NTRK2: variants seen among roughly 807,000 people sequenced by gnomAD.
The protein encoded by NTRK2 is neurotrophic receptor tyrosine kinase 2, also known as BDNF/NT-3 growth factors receptor.
In NTRK2, 13 loss-of-function variants were observed where a neutral mutation model predicts 94.5. The observed-to-expected ratio is 0.14, with a 90% CI of 0.09 to 0.22. The LOEUF is 0.22. Ranked by LOEUF, NTRK2 falls within the 10% of genes least tolerant of loss-of-function variation. The probability of loss-of-function intolerance (pLI) is 1.00; values close to 1 mark genes in which losing one functional copy is unlikely to be tolerated. For synonymous variants in NTRK2, 372 were observed against 407.4 expected, an observed-to-expected ratio of 0.91 and a Z score of 1.05; for missense variants, 639 against 1,071.2, an observed-to-expected ratio of 0.60 and a Z score of 5.63.
At chr9:84,971,982 C>A (rs1347251493) in intron 17 of NTRK2, among the ~76,000 whole-genome samples, 6 of 152,000 alleles carry the variant, frequency 3.9e-5, no homozygotes, top group Non-Finnish European at 7.4e-5. Context: ...TGGAAGGAGA[C>A]CAAGGATTCA....
At chr9:85,005,328 A>T (rs1190549685) in intron 17 of NTRK2, among the ~76,000 whole-genome samples, 1 of 152,194 alleles carries the variant, frequency 6.6e-6, no homozygotes, top group Non-Finnish European at 1.5e-5. Flanking sequence ...ACAGAAAGAG[A>T]CAAGGTTAGA....
At chr9:84,724,558 CT>C (rs1296354949) in intron 8 of NTRK2, among the ~76,000 whole-genome samples, 1 of 152,102 alleles carries the variant, frequency 6.6e-6, no homozygotes, top group Non-Finnish European at 1.5e-5. Flanking sequence ...CATGTTTTTT[CT>C]TTTAAGCTTC....
chr9:84,877,129 A>G (rs1294202769), intron 14 of NTRK2: 1 of 1,064,956 alleles, frequency 9.4e-7, no homozygotes, highest in East Asian at 5.0e-5. Flanking sequence ...GATTGTGTAT[A>G]TGCTCTGCCA....
intron 14 of NTRK2, chr9:84,876,118 C>T: frequency 9.6e-7 from 1 of 1,037,334 alleles, no homozygotes. Flanking sequence ...TGCCATTGAA[C>T]TTTTGGGTGC....
At chr9:84,861,512 T>A (rs2075337950) in intron 13 of NTRK2, among the ~76,000 whole-genome samples, 1 of 152,216 alleles carries the variant, frequency 6.6e-6, no homozygotes, top group Non-Finnish European at 1.5e-5. Flanking sequence ...TAAATCAGTT[T>A]CCATTTATGA....
chr9:84,704,387 C>A lies in NTRK2; in HGVS notation c.359+1968C>A, dbSNP rs558047038. ...GGGACTACAGGCACCTGCCACCACGCCAGGCTAATTTTTTTTTTTTAGTAG... is the reference window on the plus strand; with the variant it reads ...GGGACTACAGGCACCTGCCACCACGACAGGCTAATTTTTTTTTTTTAGTAG... On this transcript the variant is annotated intron_variant, in intron 4 of 18. Transcript: ENST00000277120. 7.3e-5 allele frequency among the ~76,000 whole-genome samples: 11 copies of A among 150,420 alleles called. No individual in the cohort carries two copies. The East Asian group carries it at 2.2e-3, about 30-fold the overall frequency.
rs763626550 is a variant in NTRK2 at position 85,026,139 on chromosome 9, A to AT, written c.*4702_*4703insT. ...AAACACAAAGCAAAGCAAAAAAAAA[A>AT]ATATATATATATATATCTGTATATG... On this transcript the variant is annotated 3_prime_UTR_variant, in exon 19 of 19. Coordinates refer to ENST00000277120, the MANE Select transcript of NTRK2 (RefSeq NM_006180.6). 0.2 allele frequency: 39,150 copies of AT among 195,734 alleles called. 3,562 individuals are homozygous for AT. Among genetic ancestry groups the AT allele is most frequent in the Admixed American group, 0.29 (4,668 of 16,156 alleles). 12.1% of individuals were successfully genotyped at this position (195,734 alleles called of 1,614,324 possible).
At chr9:84,757,706 T>C (rs2065206303) in intron 12 of NTRK2, among the ~76,000 whole-genome samples, 1 of 152,240 alleles carries the variant, frequency 6.6e-6, no homozygotes, top group African/African-American at 2.4e-5. Flanking sequence ...ACTTAGTAAT[T>C]GCTCTATAAA....
At chr9:84,917,403 A>G (rs2077426162) in intron 14 of NTRK2, among the ~76,000 whole-genome samples, 1 of 152,158 alleles carries the variant, frequency 6.6e-6, no homozygotes, top group Admixed American at 6.5e-5. Flanking sequence ...GTGCAGTGGA[A>G]GGAGCACTGG....
Position 84,669,733 on chromosome 9 carries a change from G to T in NTRK2, c.-528G>T, listed in dbSNP as rs73480600. On this transcript the variant is annotated 5_prime_UTR_variant, in exon 1 of 19. Coordinates refer to ENST00000277120, the MANE Select transcript of NTRK2 (RefSeq NM_006180.6). This position sits in a 1 kb window ranked among gnomAD's most constrained non-coding sequence, Gnocchi z 4.1. ...TCTGCGTCAGCCCTCACGTCACTTC[G>T]CCAGCAGTAGCAGAGGCGGCGGCGG... The T allele has an allele frequency of 8.8e-3, 1,360 of 153,768 alleles. 24 individuals are homozygous for T. The highest frequency in any genetic ancestry group is 0.031 in the African/African-American group (1,293 of 41,588). 9.5% of individuals were successfully genotyped at this position (153,768 alleles called of 1,614,324 possible).
intron 17 of NTRK2, among the ~76,000 whole-genome samples, chr9:85,012,404 A>C (rs1831719804): frequency 6.6e-6 from 1 of 152,128 alleles, no homozygotes; most frequent in African/African-American, 2.4e-5. Context: ...CTTCCACCAC[A>C]ACCACGACAT....
intron 14 of NTRK2, chr9:84,873,509 C>T (rs904065260): frequency 9.4e-7 from 1 of 1,058,996 alleles, no homozygotes; most frequent in African/African-American, 1.6e-5. Flanking sequence ...CACGGCCCCC[C>T]CATTGCTAGC....
At chr9:84,686,275 C>G (rs1269117675) in intron 2 of NTRK2, among the ~76,000 whole-genome samples, 1 of 152,142 alleles carries the variant, frequency 6.6e-6, no homozygotes, top group East Asian at 1.9e-4. Context: ...GATTACATAT[C>G]CAACAGGAAG....
At chr9:85,015,261 G>A (rs1367924778) in intron 17 of NTRK2, among the ~76,000 whole-genome samples, 1 of 152,084 alleles carries the variant, frequency 6.6e-6, no homozygotes, top group Non-Finnish European at 1.5e-5. Flanking sequence ...CCTGTCTACT[G>A]TACAGGTGGC....
chr9:84,752,165 G>A lies in NTRK2; in HGVS notation c.1396+80G>A, dbSNP rs1161431855. On this transcript the variant is annotated intron_variant, in intron 12 of 18. Transcript: ENST00000277120. ...CTAATGCTAATTACCACTAAAGAAG[G>A]AAGTGGCTAGATTTATGATGATTAG... The A allele has an allele frequency of 5.7e-6, 6 of 1,055,900 alleles. No individual in the cohort carries two copies. In the African/African-American group the frequency reaches 6.2e-5, roughly 11 times the overall value. The allele number at this position is 1,055,900 out of a possible 1,614,324, so 65.4% of individuals were successfully genotyped here. A position where few individuals can be genotyped will look rare whatever the true frequency, so the allele number is the denominator to read the frequency against.
At chr9:84,844,817 C>T (rs752942337) in intron 12 of NTRK2, among the ~76,000 whole-genome samples, 1 of 151,532 alleles carries the variant, frequency 6.6e-6, no homozygotes, top group Non-Finnish European at 1.5e-5. Flanking sequence ...GTTGAATAAA[C>T]CCAAAGAGGA....
At chr9:84,961,427 A>G (rs1824911751) in intron 17 of NTRK2, among the ~76,000 whole-genome samples, 1 of 152,228 alleles carries the variant, frequency 6.6e-6, no homozygotes, top group African/African-American at 2.4e-5. Flanking sequence ...CAACACTTAG[A>G]GCACAGTTCA....
intron 12 of NTRK2, among the ~76,000 whole-genome samples, chr9:84,782,583 C>A (rs1480242531): frequency 6.6e-6 from 1 of 152,186 alleles, no homozygotes; most frequent in Non-Finnish European, 1.5e-5. Flanking sequence ...GTATTGAAAG[C>A]TGATGTTCTG....
In NTRK2 at chr9:85,023,518, T is replaced by C. The variant is rs1832885308; in HGVS notation, c.*2081T>C. 4.3e-6 allele frequency: 1 copy of C among 232,650 alleles called. No homozygotes were observed. Among genetic ancestry groups the C allele is most frequent in the African/African-American group, 2.2e-5 (1 of 45,326 alleles). 14.4% of individuals were successfully genotyped at this position (232,650 alleles called of 1,614,324 possible). ...GCGAGGGAGTTGACAAGATAAACCT[T>C]ACGTCCATTCAAGTTATATGCTGGC... On this transcript the variant is annotated 3_prime_UTR_variant, in exon 19 of 19. Coordinates refer to ENST00000277120, the MANE Select transcript of NTRK2 (RefSeq NM_006180.6).
Sources: gnomAD v4.1 joint callset for allele counts (sites outside exome capture counted in the v4.1 genomes callset) on GRCh38, gnomAD v4.1.1 for gene constraint, Gnocchi (gnomAD v3.1) non-coding constraint, MANE v1.5 for transcripts, NCBI Gene and HGNC (gene_info 2026-07-23, HGNC 2026-07-21) for gene names.